The following ECM2 variants were observed in gnomAD, a reference collection of about 807,000 sequenced individuals.
ECM2 encodes the protein extracellular matrix protein 2, female organ and adipocyte specific.
ECM2 carries 57 observed loss-of-function variants against 67.5 expected under a neutral mutation model. The observed-to-expected ratio is 0.84, with a 90% CI of 0.68 to 1.05. The LOEUF is 1.05. Ranked by LOEUF, ECM2 falls within the 50% of genes least tolerant of loss-of-function variation. ECM2 has a pLI of 0.00. For missense variants in ECM2, 741 were observed against 822.8 expected, an observed-to-expected ratio of 0.90 and a Z score of 1.22; for synonymous variants, 258 against 294.5, an observed-to-expected ratio of 0.88 and a Z score of 1.27.
Position 92,495,880 on chromosome 9 carries a change from C to T in ECM2, c.*435G>A, listed in dbSNP as rs535557974. On this transcript the variant is annotated 3_prime_UTR_variant, in exon 10 of 10. Transcript: ENST00000344604. ...AAATTATTGTTTTAATAATAAACAA[C>T]ACTTATTCATAAATTCTGCCTGCTT... is the stretch of plus-strand genomic sequence containing the variant. The T allele has an allele frequency of 2.0e-6, 2 of 980,828 alleles. No homozygotes were observed. Among genetic ancestry groups the T allele is most frequent in the South Asian group, 9.4e-5 (2 of 21,196 alleles). The allele number at this position is 980,828 out of a possible 1,614,324, so 60.8% of individuals were successfully genotyped here.
chr9:92,539,783 A>G (rs1290286584), upstream of ECM2, among the ~76,000 whole-genome samples: 1 of 152,154 alleles, frequency 6.6e-6, no homozygotes, highest in African/African-American at 2.4e-5. Context: ...TTACTTTCCC[A>G]ATGGAATATT....
Position 92,522,913 on chromosome 9 carries a change from C to A in ECM2, c.-27-20G>T. On this transcript the variant is annotated intron_variant, in intron 1 of 9. Transcript: ENST00000344604. ...CAATTTCTAGAATGAAACAATATTTCAAAGTTAGTGGTGACTAAATTTTTA... is the reference window on the plus strand; with the variant it reads ...CAATTTCTAGAATGAAACAATATTTAAAAGTTAGTGGTGACTAAATTTTTA... 1 of 1,543,296 alleles carries A rather than the reference C, an allele frequency of 6.5e-7. No homozygotes were observed. Among genetic ancestry groups the A allele is most frequent in the South Asian group, 1.3e-5 (1 of 79,250 alleles).
chr9:92,493,907 A>G, downstream of ECM2: 1 of 454,360 alleles, frequency 2.2e-6, no homozygotes, highest in South Asian at 4.0e-5. Context: ...GCAAGCCCAC[A>G]GTGCGTCTGC....
At position 92,514,865 on chromosome 9, in the gene ECM2, C is replaced by G. The variant is rs137929518; in HGVS notation, c.820G>C (p.Asp274His). Residue 274 changes from aspartate to histidine, a missense_variant, in exon 4 of 10, where the codon GAT becomes CAT. Transcript: ENST00000344604. ...QQRQGREEEE[D>H]EEEEGEEGEE... ...CCCTCCTCACCCTCCTCCTCCTCAT[C>G]CTCCTCCTCCTCCCTTCCTTGGCGT... 7.7e-5 allele frequency: 123 copies of G among 1,604,576 alleles called. No homozygotes were observed. In the African/African-American group the frequency reaches 1.4e-3, roughly 18 times the overall value.
intron 1 of ECM2, among the ~76,000 whole-genome samples, chr9:92,526,562 A>T (rs1391767571): frequency 6.6e-6 from 1 of 151,982 alleles, no homozygotes; most frequent in Non-Finnish European, 1.5e-5. Context: ...ATTAGTGGAA[A>T]AAAAGAAATA....
chr9:92,539,574 C>T (rs1849269909), upstream of ECM2, among the ~76,000 whole-genome samples: 2 of 151,872 alleles, frequency 1.3e-5, no homozygotes, highest in African/African-American at 2.4e-5. Context: ...GCTTTGAAGG[C>T]TCTTGGTCTT....
chr9:92,555,214 A>ATTTTT, the ECM2 span, among the ~76,000 whole-genome samples: 30 of 63,462 alleles, frequency 4.7e-4, no homozygotes, highest in African/African-American at 1.5e-3. Context: ...TTTTTTGGAA[A>ATTTTT]TTTTTTTTTT....
intron 1 of ECM2, among the ~76,000 whole-genome samples, chr9:92,524,439 C>A (rs1047159083): frequency 1.3e-5 from 2 of 152,164 alleles, no homozygotes; most frequent in Admixed American, 1.3e-4. Context: ...ACAAGAGAAA[C>A]CTCCATCAAG....
At chr9:92,522,526 C>G in intron 2 of ECM2, 49 bp downstream of exon 2, 2 of 1,488,728 alleles carry the variant, frequency 1.3e-6, no homozygotes, top group Non-Finnish European at 1.8e-6. Context: ...CCCATACCAT[C>G]TCTCACCCTC....
chr9:92,511,292 A>T (rs371535019), intron 5 of ECM2, among the ~76,000 whole-genome samples: 1 of 151,820 alleles, frequency 6.6e-6, no homozygotes, highest in East Asian at 1.9e-4. Flanking sequence ...CGCTCGGCTA[A>T]TTTTTTGTAT....
rs554949394 is a variant in ECM2, at chr9:92,514,950, G to A, written c.735C>T (p.Ser245=). The change falls in exon 4 of 10, where the codon AGC becomes AGT. Residue 245 remains serine, a synonymous_variant. Coordinates refer to ENST00000344604, the MANE Select transcript of ECM2 (RefSeq NM_001393.4). ...GCCTCTGCTTTCTGTCTCCTCCTCT[G>A]CTGTCCCCCTCACTGTAAAGTTGCC... The part of the protein sequence containing the change: ...NQGQLYSEGD[S]RGGDRKQRPG... The A allele has an allele frequency of 6.2e-7, 1 of 1,613,806 alleles. No individual in the cohort carries two copies. The highest frequency in any genetic ancestry group is 8.5e-7 in the Non-Finnish European group (1 of 1,179,974).
intron 3 of ECM2, 114 bp from the exon 4 acceptor site, chr9:92,515,317 A>G (rs1847635356): frequency 7.8e-6 from 10 of 1,274,130 alleles, no homozygotes; most frequent in South Asian, 2.9e-5. Flanking sequence ...ATTTGAGTGC[A>G]ATTTAAAGAT....
chr9:92,511,963 C>T, intron 5 of ECM2, 48 bp downstream of exon 5: 1 of 1,406,898 alleles, frequency 7.1e-7, no homozygotes. Flanking sequence ...CAATGCAAGT[C>T]ATAGTGAAGC....
intron 8 of ECM2, 32 bp from the exon 9 acceptor site, chr9:92,501,085 G>C: frequency 6.3e-7 from 1 of 1,597,460 alleles, no homozygotes. Context: ...ACAGGGTAGG[G>C]ACATCAGGAT....
intron 8 of ECM2, among the ~76,000 whole-genome samples, chr9:92,501,448 G>A (rs1434935732): frequency 6.6e-6 from 1 of 152,220 alleles, no homozygotes; most frequent in Non-Finnish European, 1.5e-5. Flanking sequence ...TCTGGTTCCA[G>A]CAAGGAAGTT....
intron 7 of ECM2, among the ~76,000 whole-genome samples, chr9:92,503,356 G>A (rs1474713086): frequency 1.3e-5 from 2 of 152,178 alleles, no homozygotes; most frequent in Non-Finnish European, 2.9e-5. Flanking sequence ...GCCCACCCGT[G>A]GTTACATGAC....
chr9:92,509,109 G>T (rs933595829), intron 6 of ECM2, among the ~76,000 whole-genome samples: 1 of 151,416 alleles, frequency 6.6e-6, no homozygotes, highest in Non-Finnish European at 1.5e-5. Flanking sequence ...GCAGAAGAGG[G>T]GCCATTTCCA....
At position 92,517,753 on chromosome 9, in the gene ECM2, G is replaced by A. The variant is rs1847816658; in HGVS notation, c.415C>T (p.His139Tyr). 1 of 1,614,218 alleles carries A rather than the reference G, an allele frequency of 6.2e-7. No homozygotes were observed. Among genetic ancestry groups the A allele is most frequent in the Non-Finnish European group, 8.5e-7 (1 of 1,180,036 alleles). The change falls in exon 3 of 10, where the codon CAT becomes TAT. Residue 139 changes from histidine (H) to tyrosine (Y), a missense_variant. By Grantham distance (83) the His-to-Tyr change is moderately conservative. Transcript: ENST00000344604. ...GRVLCDETMC[H>Y]PQRCPQTVIP... ...ACTGTTTGGGGGCACCTCTGGGGAT[G>A]GCACATGGTTTCATCACAAAGAACT...
At chr9:92,529,590 A>G (rs562433889) in intron 1 of ECM2, among the ~76,000 whole-genome samples, 4 of 152,328 alleles carry the variant, frequency 2.6e-5, no homozygotes, top group East Asian at 1.9e-4. Flanking sequence ...AAAAAAAACT[A>G]TGGTATATTC....
Sources: allele counts gnomAD v4.1 joint callset (sites outside exome capture counted in the v4.1 genomes callset), GRCh38; gene constraint gnomAD v4.1.1; transcripts MANE v1.5; gene names NCBI Gene and HGNC (gene_info 2026-07-23, HGNC 2026-07-21).